The following ANAPC10 variants were observed in gnomAD, a reference collection of about 807,000 sequenced individuals.
The protein encoded by ANAPC10 is anaphase-promoting complex subunit 10.
Under a neutral mutation model 22.0 loss-of-function variants are expected in ANAPC10, and 12 were observed. That is an observed-to-expected ratio of 0.55 (90% CI 0.35 to 0.88). The LOEUF (loss-of-function observed/expected upper bound fraction) is 0.88, where lower values mean the gene tolerates loss of function less well. ANAPC10 is among the 40% of genes least tolerant of loss of function. The pLI is 0.01. For synonymous variants in ANAPC10, 65 were observed against 69.5 expected, an observed-to-expected ratio of 0.94 and a Z score of 0.32; for missense variants, 188 against 220.9, an observed-to-expected ratio of 0.85 and a Z score of 0.94.
At chr4:145,023,953 T>G (rs1736304950) in intron 4 of ANAPC10, among the ~76,000 whole-genome samples, 1 of 152,236 alleles carries the variant, frequency 6.6e-6, no homozygotes, top group Non-Finnish European at 1.5e-5. Flanking sequence ...GTTGGTCCTT[T>G]CAGACCCTGC....
chr4:145,003,793 T>C (rs1340407844), intron 4 of ANAPC10, among the ~76,000 whole-genome samples: 1 of 151,854 alleles, frequency 6.6e-6, no homozygotes, highest in Non-Finnish European at 1.5e-5. Context: ...AGCTTTGTTC[T>C]TCTTGTGTAA....
chr4:145,074,509 G>T (rs1055172748), intron 3 of ANAPC10, among the ~76,000 whole-genome samples: 1 of 152,120 alleles, frequency 6.6e-6, no homozygotes, highest in Admixed American at 6.5e-5. Flanking sequence ...AGCCCTATGT[G>T]ATACTTAATT....
At chr4:145,001,363 C>T (rs1732543071) in intron 4 of ANAPC10, among the ~76,000 whole-genome samples, 1 of 151,966 alleles carries the variant, frequency 6.6e-6, no homozygotes, top group African/African-American at 2.4e-5. Context: ...ACACCAGCCA[C>T]AAAAAGACAA....
At position 145,098,188 on chromosome 4, in the gene ANAPC10, G is replaced by A. The variant is rs35596291; in HGVS notation, c.-81C>T. The A allele has an allele frequency of 6.6e-6, 1 of 152,656 alleles. No homozygotes were observed. The highest frequency in any genetic ancestry group is 2.4e-5 in the African/African-American group (1 of 41,476). 9.5% of individuals were successfully genotyped at this position (152,656 alleles called of 1,614,324 possible). On this transcript the variant is annotated 5_prime_UTR_variant, in exon 1 of 5. Transcript: ENST00000507656. ...CCTCCAGCAGCTGGCTTCGCCAACGGCGTTGAACAAGGGTCGCAGCTCAAT... is the reference window on the plus strand; with the variant it reads ...CCTCCAGCAGCTGGCTTCGCCAACGACGTTGAACAAGGGTCGCAGCTCAAT...
At chr4:145,071,185 G>T (rs973745115) in intron 3 of ANAPC10, among the ~76,000 whole-genome samples, 1 of 152,118 alleles carries the variant, frequency 6.6e-6, no homozygotes, top group African/African-American at 2.4e-5. Flanking sequence ...GGAGGGCAGA[G>T]CACCTGAAGT....
At chr4:145,033,742 A>C (rs1348181420) in intron 4 of ANAPC10, among the ~76,000 whole-genome samples, 4 of 152,208 alleles carry the variant, frequency 2.6e-5, no homozygotes, top group Admixed American at 1.3e-4. Flanking sequence ...TGCTGAAGGC[A>C]AAGGGAATAC....
intron 4 of ANAPC10, among the ~76,000 whole-genome samples, chr4:145,057,994 T>G (rs537131530): frequency 6.6e-6 from 1 of 152,242 alleles, no homozygotes; most frequent in Admixed American, 6.5e-5. Flanking sequence ...GTGCTCCAGC[T>G]CCCCCATTCC....
At chr4:145,004,534 G>A (rs1733053748) in intron 4 of ANAPC10, among the ~76,000 whole-genome samples, 1 of 152,088 alleles carries the variant, frequency 6.6e-6, no homozygotes, top group Non-Finnish European at 1.5e-5. Flanking sequence ...TTGATTTGTT[G>A]AGGGTTTTTA....
intron 3 of ANAPC10, among the ~76,000 whole-genome samples, chr4:145,066,481 A>G (rs1743705734): frequency 1.3e-5 from 2 of 151,932 alleles, no homozygotes; most frequent in African/African-American, 2.4e-5. Flanking sequence ...GCTCTTAAGA[A>G]CTTTTTTTTT....
chr4:145,032,458 T>C (rs542693587), intron 4 of ANAPC10, among the ~76,000 whole-genome samples: 5 of 152,246 alleles, frequency 3.3e-5, no homozygotes, highest in Non-Finnish European at 5.9e-5. Context: ...CTCTCTTGAG[T>C]GGTCAAAAGC....
intron 2 of ANAPC10, among the ~76,000 whole-genome samples, chr4:145,089,852 C>G (rs1017893910): frequency 1.3e-5 from 2 of 152,086 alleles, no homozygotes; most frequent in Non-Finnish European, 2.9e-5. Context: ...CTAATCTTGC[C>G]TCACTTCAAT....
chr4:145,017,946 C>A (rs1443272002), intron 4 of ANAPC10, among the ~76,000 whole-genome samples: 1 of 127,090 alleles, frequency 7.9e-6, no homozygotes, highest in African/African-American at 3.1e-5. Context: ...GGAAGGGAAA[C>A]ATCACACACC....
At chr4:145,034,548 TG>T (rs1738197612) in intron 4 of ANAPC10, among the ~76,000 whole-genome samples, 1 of 126,746 alleles carries the variant, frequency 7.9e-6, no homozygotes, top group Admixed American at 8.6e-5. Flanking sequence ...TATATATGTG[TG>T]TGTGTGTGTG....
chr4:145,095,998 T>C lies in ANAPC10; in HGVS notation c.102A>G (p.Ser34=), dbSNP rs751544256. The change falls in exon 2 of 5, where the codon TCA becomes TCG. Residue 34 remains serine (S), a synonymous_variant. Coordinates refer to ENST00000507656, the MANE Select transcript of ANAPC10 (RefSeq NM_001256706.2). ...EIGSQAVWSL[S]SCKPGFGVDQ... is the part of the protein sequence containing the mutation. ...GTTAGTTTTTACCTGGTTTGCAAGA[T>C]GAGAGTGACCAAACAGCTTGTGACC... is the stretch of plus-strand genomic sequence containing the variant. 1.2e-6 allele frequency: 2 copies of C among 1,614,052 alleles called. No homozygotes were observed. The highest frequency in any genetic ancestry group is 1.3e-5 in the African/African-American group (1 of 74,930).
chr4:145,087,748 C>T (rs941176540), intron 2 of ANAPC10, among the ~76,000 whole-genome samples: 1 of 151,962 alleles, frequency 6.6e-6, no homozygotes, highest in African/African-American at 2.4e-5. Flanking sequence ...AGTATTAGTA[C>T]AACAATAAAG....
At chr4:145,045,829 G>A (rs1009506351) in intron 4 of ANAPC10, among the ~76,000 whole-genome samples, 1 of 151,862 alleles carries the variant, frequency 6.6e-6, no homozygotes, top group African/African-American at 2.4e-5. Flanking sequence ...TAATGCCATG[G>A]GTATCAAGGT....
At chr4:145,053,062 T>C (rs1741373792) in intron 4 of ANAPC10, among the ~76,000 whole-genome samples, 1 of 152,138 alleles carries the variant, frequency 6.6e-6, no homozygotes, top group African/African-American at 2.4e-5. Flanking sequence ...TCCTGACTGA[T>C]GAGGAAGAAG....
rs114968397 is a variant in ANAPC10 at position 145,066,496 on chromosome 4, G to A, written c.207-1804C>T. On this transcript the variant is annotated intron_variant, in intron 3 of 4. Coordinates refer to ENST00000507656, the MANE Select transcript of ANAPC10 (RefSeq NM_001256706.2). Reference sequence around the variant, plus strand: ...GCTCTTAAGAACTTTTTTTTTTTAAGGAAGAAAAGAAAGGCAGATCTAAAG... The same window carrying A: ...GCTCTTAAGAACTTTTTTTTTTTAAAGAAGAAAAGAAAGGCAGATCTAAAG... Among the ~76,000 whole-genome samples, 1,293 of 151,556 alleles carry A rather than the reference G, an allele frequency of 8.5e-3. 18 individuals carry two copies. The highest frequency in any genetic ancestry group is 0.03 in the African/African-American group (1,224 of 41,366).
At chr4:145,054,655 G>GCA (rs1741756250) in intron 4 of ANAPC10, among the ~76,000 whole-genome samples, 1 of 148,238 alleles carries the variant, frequency 6.7e-6, no homozygotes, top group Non-Finnish European at 1.5e-5. Context: ...GCGCGCGCGC[G>GCA]TGCGTGCAGC....
Sources: gnomAD v4.1 joint callset for allele counts (sites outside exome capture counted in the v4.1 genomes callset) on GRCh38, gnomAD v4.1.1 for gene constraint, MANE v1.5 for transcripts, NCBI Gene and HGNC (gene_info 2026-07-23, HGNC 2026-07-21) for gene names.